Variants in STEAP2 observed in about 807,000 individuals in gnomAD.
STEAP2 encodes the protein metalloreductase STEAP2.
STEAP2 carries 30 observed loss-of-function variants against 46.4 expected under a neutral mutation model. The ratio of observed to expected loss-of-function variants is 0.65; its 90% CI spans 0.48 to 0.88. The LOEUF (loss-of-function observed/expected upper bound fraction) is 0.88, where lower values mean the gene tolerates loss of function less well. STEAP2 is among the 40% of genes least tolerant of loss of function. The probability of loss-of-function intolerance (pLI) is 0.00; values close to 1 mark genes in which losing one functional copy is unlikely to be tolerated. For missense variants in STEAP2, 513 were observed against 579.3 expected (o/e 0.89, Z 1.18); for synonymous variants, 180 against 200.5 (o/e 0.90, Z 0.86).
chr7:90,233,851 G>C lies in STEAP2; in HGVS notation c.*1227G>C. ...TGTATAAAGTCACTGACATTCTTTAGAGTGGGTTGGGTGCATCCAAAAATG... is the reference window on the plus strand; with the variant it reads ...TGTATAAAGTCACTGACATTCTTTACAGTGGGTTGGGTGCATCCAAAAATG... On this transcript the variant is annotated 3_prime_UTR_variant, in exon 6 of 6. Transcript: ENST00000394621. The C allele has an allele frequency of 2.0e-6, 2 of 985,336 alleles. No individual in the cohort carries two copies. Among genetic ancestry groups the C allele is most frequent in the Non-Finnish European group, 2.4e-6 (2 of 829,902 alleles). 61.0% of individuals were successfully genotyped at this position (985,336 alleles called of 1,614,324 possible).
downstream of STEAP2, among the ~76,000 whole-genome samples, chr7:90,238,571 C>G (rs1796020760): frequency 6.6e-6 from 1 of 152,186 alleles, no homozygotes; most frequent in Non-Finnish European, 1.5e-5. Flanking sequence ...GAGCAATTAA[C>G]TGCACTTGTT....
At chr7:90,223,571 G>A (rs1795350082) in intron 2 of STEAP2, among the ~76,000 whole-genome samples, 1 of 152,226 alleles carries the variant, frequency 6.6e-6, no homozygotes, top group Non-Finnish European at 1.5e-5. Flanking sequence ...CAAGTAACAA[G>A]TGAAGTTATA....
In STEAP2 at chr7:90,236,858, T is replaced by C. The variant is rs1554345058; in HGVS notation, c.*4234T>C. 5 of 1,611,628 alleles carry C rather than the reference T, an allele frequency of 3.1e-6. No homozygotes were observed. In the South Asian group the frequency reaches 3.3e-5, roughly 11 times the overall value. ...TGTATGATCTCCAAATTGCCAACTT[T>C]AAGGAAATATTCTCTTGAAATTGTC... On this transcript the variant is annotated 3_prime_UTR_variant, in exon 6 of 6. Coordinates refer to ENST00000394621, the MANE Select transcript of STEAP2 (RefSeq NM_001244944.2).
intron 1 of STEAP2, among the ~76,000 whole-genome samples, chr7:90,214,696 C>A (rs1307295456): frequency 1.3e-5 from 2 of 151,954 alleles, no homozygotes; most frequent in Non-Finnish European, 2.9e-5. Flanking sequence ...CCAGAGCAGG[C>A]TGAAGGAGAG....
Position 90,236,452 on chromosome 7 carries a change from A to G in STEAP2, c.*3828A>G. 4.0e-6 allele frequency: 4 copies of G among 994,344 alleles called. No individual in the cohort carries two copies. The highest frequency in any genetic ancestry group is 4.8e-6 in the Non-Finnish European group (4 of 835,838). 61.6% of individuals were successfully genotyped at this position (994,344 alleles called of 1,614,324 possible). A position where few individuals can be genotyped will look rare whatever the true frequency, so the allele number is the denominator to read the frequency against. ...CACAGTGTTAAGATTTATATTGTGA[A>G]ATGAGACACCCTACCTTCAATTGTT... On this transcript the variant is annotated 3_prime_UTR_variant, in exon 6 of 6. Transcript: ENST00000394621.
At chr7:90,237,764 T>A, downstream of STEAP2, 1 of 205,846 alleles carries the variant, frequency 4.9e-6, no homozygotes, top group Non-Finnish European at 1.0e-5. Flanking sequence ...TATGGAGGGG[T>A]TTTGTTTGTT....
chr7:90,235,927 T>A lies in STEAP2; in HGVS notation c.*3303T>A, dbSNP rs1319802877. Reference sequence around the variant, plus strand: ...ACAGGTTGGCTAATGAGCTCTAGTGTTAAACTACCTGATTAATTTCTTATA... The same window carrying A: ...ACAGGTTGGCTAATGAGCTCTAGTGATAAACTACCTGATTAATTTCTTATA... On this transcript the variant is annotated 3_prime_UTR_variant, in exon 6 of 6. Coordinates refer to ENST00000394621, the MANE Select transcript of STEAP2 (RefSeq NM_001244944.2). 3 of 983,118 alleles carry A rather than the reference T, an allele frequency of 3.1e-6. No individual in the cohort carries two copies. The African/African-American group carries it at 5.2e-5, about 17-fold the overall frequency. The allele number at this position is 983,118 out of a possible 1,614,324, so 60.9% of individuals were successfully genotyped here.
In STEAP2 at chr7:90,232,414, A is replaced by G; in HGVS notation, c.1263A>G (p.Glu421=). Residue 421 remains glutamate (E), a synonymous_variant, in exon 6 of 6, where the codon GAA becomes GAG. Coordinates refer to ENST00000394621, the MANE Select transcript of STEAP2 (RefSeq NM_001244944.2). ...ATGGATGGAAACGAGCTTTTGAGGA[A>G]GAGTACTACAGATTTTATACACCAC... The part of the protein sequence containing the change: ...LIYGWKRAFE[E]EYYRFYTPPN... The G allele has an allele frequency of 6.2e-7, 1 of 1,613,254 alleles. No individual in the cohort carries two copies.
chr7:90,222,157 C>G (rs936063762), intron 2 of STEAP2, among the ~76,000 whole-genome samples: 11 of 152,062 alleles, frequency 7.2e-5, no homozygotes, highest in Non-Finnish European at 1.2e-4. Flanking sequence ...ACTCCTGATT[C>G]CCAGCATAGC....
intron 2 of STEAP2, among the ~76,000 whole-genome samples, chr7:90,219,037 T>G (rs888055556): frequency 2.0e-5 from 3 of 152,124 alleles, no homozygotes; most frequent in Non-Finnish European, 4.4e-5. Context: ...TTGTTTTTTT[T>G]ATAGCTATTG....
chr7:90,227,739 G>A (rs925712071), intron 4 of STEAP2, among the ~76,000 whole-genome samples: 1 of 152,060 alleles, frequency 6.6e-6, no homozygotes, highest in Non-Finnish European at 1.5e-5. Flanking sequence ...AAAATAGAGG[G>A]TTGGGTTCTC....
chr7:90,235,620 A>AC lies in STEAP2; in HGVS notation c.*2996_*2997insC, dbSNP rs1795938169. The AC allele has an allele frequency of 2.0e-6, 2 of 982,942 alleles. No homozygotes were observed. Among genetic ancestry groups the AC allele is most frequent in the Non-Finnish European group, 2.4e-6 (2 of 828,032 alleles). The allele number at this position is 982,942 out of a possible 1,614,324, so 60.9% of individuals were successfully genotyped here. A position where few individuals can be genotyped will look rare whatever the true frequency, so the allele number is the denominator to read the frequency against. On this transcript the variant is annotated 3_prime_UTR_variant, in exon 6 of 6. Transcript: ENST00000394621. ...ATACTCAGTCTTAATCCTATGCAAA[A>AC]AAAAAAATCAAGTAATTGTTTTCCT...
chr7:90,236,312 C>T lies in STEAP2; in HGVS notation c.*3688C>T, dbSNP rs1795959162. ...TACTGTGAACACTGAACTAATTATTCCTGTGTCAGTCTATGAAATCCCTGT... is the reference window on the plus strand; with the variant it reads ...TACTGTGAACACTGAACTAATTATTTCTGTGTCAGTCTATGAAATCCCTGT... On this transcript the variant is annotated 3_prime_UTR_variant, in exon 6 of 6. Transcript: ENST00000394621. 1.0e-6 allele frequency: 1 copy of T among 976,038 alleles called. No homozygotes were observed. Among genetic ancestry groups the T allele is most frequent in the Non-Finnish European group, 1.2e-6 (1 of 821,528 alleles). The allele number at this position is 976,038 out of a possible 1,614,324, so 60.5% of individuals were successfully genotyped here. A position where few individuals can be genotyped will look rare whatever the true frequency, so the allele number is the denominator to read the frequency against.
At chr7:90,240,854 GT>G (rs1482281955), downstream of STEAP2, among the ~76,000 whole-genome samples, 1 of 152,076 alleles carries the variant, frequency 6.6e-6, no homozygotes, top group Non-Finnish European at 1.5e-5. The surrounding 1 kb of genome is among the most constrained non-coding windows in gnomAD (Gnocchi z 4.1). Flanking sequence ...CATTTCCCAT[GT>G]TTCTCTGCTA....
chr7:90,237,756 T>A, downstream of STEAP2: 1 of 199,484 alleles, frequency 5.0e-6, no homozygotes, highest in Non-Finnish European at 1.0e-5. Flanking sequence ...GTGATAGTTA[T>A]GGAGGGGTTT....
chr7:90,225,874 A>G lies in STEAP2; in HGVS notation c.492+300A>G, dbSNP rs1222805503. 3.3e-5 allele frequency among the ~76,000 whole-genome samples: 5 copies of G among 152,354 alleles called. No homozygotes were observed. The East Asian group carries it at 9.6e-4, about 29-fold the overall frequency. On this transcript the variant is annotated intron_variant, in intron 3 of 5. Transcript: ENST00000394621. Reference sequence around the variant, plus strand: ...GCTTTTATAAGTAAACACATAAAATATGTTTTAAAAATCTTTTAAATGTGC... The same window carrying G: ...GCTTTTATAAGTAAACACATAAAATGTGTTTTAAAAATCTTTTAAATGTGC...
At position 90,236,675 on chromosome 7, in the gene STEAP2, G is replaced by T. The variant is rs945734830; in HGVS notation, c.*4051G>T. 3.8e-5 allele frequency: 49 copies of T among 1,298,328 alleles called. No homozygotes were observed. Among genetic ancestry groups the T allele is most frequent in the Non-Finnish European group, 4.2e-5 (43 of 1,025,432 alleles). 80.4% of individuals were successfully genotyped at this position (1,298,328 alleles called of 1,614,324 possible). A position where few individuals can be genotyped will look rare whatever the true frequency, so the allele number is the denominator to read the frequency against. ...TAATTTTCAGAGATTCTTTCCATAT[G>T]TTACTAAAAAATGTTTTGTTCAGCC... is the stretch of plus-strand genomic sequence containing the variant. On this transcript the variant is annotated 3_prime_UTR_variant, in exon 6 of 6. Coordinates refer to ENST00000394621, the MANE Select transcript of STEAP2 (RefSeq NM_001244944.2).
At chr7:90,238,040 A>G (rs1244915940), downstream of STEAP2, 3 of 716,802 alleles carry the variant, frequency 4.2e-6, no homozygotes, top group South Asian at 3.0e-5. Flanking sequence ...ATCATCCCGC[A>G]TCCATGCAGC....
At chr7:90,222,060 C>T (rs2116235079) in intron 2 of STEAP2, among the ~76,000 whole-genome samples, 1 of 152,208 alleles carries the variant, frequency 6.6e-6, no homozygotes, top group East Asian at 1.9e-4. Context: ...ATCTAGCAAC[C>T]TTTTTCACCC....
Sources: gnomAD v4.1 joint callset for allele counts (sites outside exome capture counted in the v4.1 genomes callset) on GRCh38, gnomAD v4.1.1 for gene constraint, Gnocchi (gnomAD v3.1) non-coding constraint, MANE v1.5 for transcripts, NCBI Gene and HGNC (gene_info 2026-07-23, HGNC 2026-07-21) for gene names.